Variants in GDI2 observed in about 807,000 individuals in gnomAD.
The protein encoded by GDI2 is GDP dissociation inhibitor 2.
GDI2 carries 22 observed loss-of-function variants against 54.2 expected under a neutral mutation model. The ratio of observed to expected loss-of-function variants is 0.41; its 90% CI spans 0.29 to 0.58. The LOEUF is 0.58. GDI2 is among the 20% of genes least tolerant of loss of function. The pLI, the probability that GDI2 is intolerant of heterozygous loss-of-function variation, is 0.35. For synonymous variants in GDI2, 177 were observed against 182.1 expected (o/e 0.97, Z 0.23); for missense variants, 422 against 546.0 (o/e 0.77, Z 2.26).
rs958588792 is a variant in GDI2, at chr10:5,774,836, C to T, written c.720-895G>A. Among the ~76,000 whole-genome samples, 4 of 152,118 alleles carry T rather than the reference C, an allele frequency of 2.6e-5. No individual in the cohort carries two copies. The highest frequency in any genetic ancestry group is 4.8e-5 in the African/African-American group (2 of 41,412). On this transcript the variant is annotated intron_variant, in intron 6 of 10. Coordinates refer to ENST00000380191, the MANE Select transcript of GDI2 (RefSeq NM_001494.4). This position sits in a 1 kb window ranked among gnomAD's most constrained non-coding sequence, Gnocchi z 4.8. ...GTTCTAAAATGGCCTTGTGCAGTCG[C>T]GGGACTATCCACATCAGAGGCAAAT...
intron 2 of GDI2, among the ~76,000 whole-genome samples, chr10:5,799,778 C>T (rs1462527757): frequency 6.6e-6 from 1 of 152,160 alleles, no homozygotes; most frequent in Admixed American, 6.5e-5. Flanking sequence ...TATGCTTATG[C>T]AGGAGAATGT....
intron 6 of GDI2, among the ~76,000 whole-genome samples, chr10:5,784,623 T>C (rs981403938): frequency 8.5e-5 from 13 of 152,256 alleles, no homozygotes; most frequent in African/African-American, 3.1e-4. Flanking sequence ...GGATGCTCCC[T>C]TGATGTGGTG....
At chr10:5,808,194 G>A (rs1254451416) in intron 1 of GDI2, among the ~76,000 whole-genome samples, 1 of 151,810 alleles carries the variant, frequency 6.6e-6, no homozygotes, top group Non-Finnish European at 1.5e-5. Context: ...CAAACTACAT[G>A]CCTCCTGTAG....
chr10:5,800,060 G>A (rs1402147520), intron 2 of GDI2, among the ~76,000 whole-genome samples: 2 of 152,098 alleles, frequency 1.3e-5, no homozygotes, highest in Admixed American at 6.6e-5. Flanking sequence ...ATAAGACACA[G>A]TACACATCAT....
chr10:5,779,813 C>G (rs1261598235), intron 6 of GDI2, among the ~76,000 whole-genome samples: 2 of 151,876 alleles, frequency 1.3e-5, no homozygotes, highest in African/African-American at 2.4e-5. Context: ...CCCACTCAGC[C>G]TCCCGAATAG....
At chr10:5,795,153 C>T (rs1407993671) in intron 3 of GDI2, 134 bp from the exon 4 acceptor site, 3 of 622,738 alleles carry the variant, frequency 4.8e-6, no homozygotes, top group Non-Finnish European at 8.4e-6. Flanking sequence ...TTTTGAGACA[C>T]AGTCTCCCTC....
chr10:5,770,363 C>A (rs1840459069), intron 7 of GDI2, among the ~76,000 whole-genome samples: 1 of 151,934 alleles, frequency 6.6e-6, no homozygotes, highest in Non-Finnish European at 1.5e-5. Flanking sequence ...GAGTTCAAGA[C>A]CAGCCTGGCC....
intron 6 of GDI2, among the ~76,000 whole-genome samples, chr10:5,777,404 C>T (rs1464077740): frequency 2.0e-5 from 3 of 152,118 alleles, no homozygotes; most frequent in Non-Finnish European, 1.5e-5. Context: ...ACCCAGGAGG[C>T]GGAGGCTGCA....
At chr10:5,800,997 C>T (rs183730292) in intron 1 of GDI2, among the ~76,000 whole-genome samples, 92 of 152,112 alleles carry the variant, frequency 6.0e-4, no homozygotes, top group South Asian at 4.2e-3. Context: ...CTTGCCCAGG[C>T]AGGAGTGCAA....
At position 5,776,433 on chromosome 10, in the gene GDI2, C is replaced by T; in HGVS notation, c.720-2492G>A. 1 of 821,198 alleles carries T rather than the reference C, an allele frequency of 1.2e-6. No homozygotes were observed. Among genetic ancestry groups the T allele is most frequent in the Non-Finnish European group, 2.2e-6 (1 of 463,366 alleles). The allele number at this position is 821,198 out of a possible 1,614,324, so 50.9% of individuals were successfully genotyped here. A position where few individuals can be genotyped will look rare whatever the true frequency, so the allele number is the denominator to read the frequency against. On this transcript the variant is annotated intron_variant, in intron 6 of 10. Transcript: ENST00000380191. The surrounding 1 kb of genome is among the most constrained non-coding windows in gnomAD (Gnocchi z 5.3). ...GATTCAAGGGATCTTTGACAGGGAT[C>T]CAGACACGCTACTATTTTTACTTTA...
In GDI2 at chr10:5,794,964, T is replaced by G; in HGVS notation, c.309A>C (p.Lys103Asn). Residue 103 changes from lysine (K) to asparagine (N), a missense_variant, in exon 4 of 11, where the codon AAA becomes AAC. Lys to Asn is a moderately conservative substitution (Grantham distance 94). Transcript: ENST00000380191. The stretch of plus-strand genomic sequence containing the variant: ...TATAGACAAAGCTCCCTTCAGTCAC[T>G]TTAAAATCCAGATAGCGAGTTACCT... Reference protein sequence around the residue: ...YTEVTRYLDFKVTEGSFVYKG... With the variant: ...YTEVTRYLDFNVTEGSFVYKG... The G allele has an allele frequency of 6.3e-7, 1 of 1,598,726 alleles. No individual in the cohort carries two copies. The highest frequency in any genetic ancestry group is 8.6e-7 in the Non-Finnish European group (1 of 1,165,986).
chr10:5,776,687 A>C lies in GDI2; in HGVS notation c.720-2746T>G, dbSNP rs1840629094. On this transcript the variant is annotated intron_variant, in intron 6 of 10. Transcript: ENST00000380191. The surrounding 1 kb of genome is among the most constrained non-coding windows in gnomAD (Gnocchi z 5.3). ...TTTTGTAGAAAAGTCAGAGTTATGG[A>C]GCTTGCCGCCACATTCAGAAACTGC... The C allele has an allele frequency of 6.8e-7, 1 of 1,460,862 alleles. No homozygotes were observed. The highest frequency in any genetic ancestry group is 1.4e-5 in the African/African-American group (1 of 71,196). 90.5% of individuals were successfully genotyped at this position (1,460,862 alleles called of 1,614,324 possible).
intron 1 of GDI2, among the ~76,000 whole-genome samples, chr10:5,808,599 C>T (rs1588991453): frequency 1.3e-5 from 2 of 150,362 alleles, no homozygotes; most frequent in South Asian, 2.1e-4. Context: ...TTACTTGAAC[C>T]GGGGAGGCAG....
At chr10:5,790,556 G>A (rs1047954318) in intron 4 of GDI2, among the ~76,000 whole-genome samples, 2 of 152,128 alleles carry the variant, frequency 1.3e-5, no homozygotes, top group Non-Finnish European at 2.9e-5. Flanking sequence ...TGAGGCAGGA[G>A]AATCGCTTGA....
chr10:5,794,232 T>TATAA (rs1390834892), intron 4 of GDI2, among the ~76,000 whole-genome samples: 12 of 97,394 alleles, frequency 1.2e-4, no homozygotes, highest in Non-Finnish European at 1.8e-4. Context: ...TATATATATA[T>TATAA]AAAACTCACC....
intron 4 of GDI2, among the ~76,000 whole-genome samples, chr10:5,791,524 G>C (rs964044558): frequency 6.6e-6 from 1 of 152,108 alleles, no homozygotes; most frequent in African/African-American, 2.4e-5. Context: ...AAGGCGGACG[G>C]ATCATCTGAG....
At chr10:5,778,621 ATAAGGGTGCATTT>A (rs1405906463) in intron 6 of GDI2, among the ~76,000 whole-genome samples, 1 of 152,100 alleles carries the variant, frequency 6.6e-6, no homozygotes, top group Admixed American at 6.6e-5. Context: ...TACATAATTA[ATAAGGGTGCATTT>A]TAAGTTCTAA....
At chr10:5,775,423 T>A (rs763804207) in intron 6 of GDI2, among the ~76,000 whole-genome samples, 5 of 152,202 alleles carry the variant, frequency 3.3e-5, no homozygotes, top group Admixed American at 1.3e-4. Flanking sequence ...GGTTTTCCCC[T>A]CAGGCAGCAA....
At chr10:5,772,427 T>C (rs969281822) in intron 7 of GDI2, among the ~76,000 whole-genome samples, 6 of 152,158 alleles carry the variant, frequency 3.9e-5, no homozygotes, top group African/African-American at 1.4e-4. Context: ...TATAAAGAAG[T>C]TGCCTAAAAT....
Sources: allele counts gnomAD v4.1 joint callset (sites outside exome capture counted in the v4.1 genomes callset), GRCh38; gene constraint gnomAD v4.1.1; non-coding constraint Gnocchi (gnomAD v3.1); transcripts MANE v1.5; gene names NCBI Gene and HGNC (gene_info 2026-07-23, HGNC 2026-07-21).